TUSC3: variants seen among roughly 807,000 people sequenced by gnomAD.
TUSC3 encodes the protein dolichyl-diphosphooligosaccharide--protein glycosyltransferase subunit TUSC3.
In TUSC3, 45 loss-of-function variants were observed where a neutral mutation model predicts 44.8. The ratio of observed to expected loss-of-function variants is 1.00; its 90% confidence interval spans 0.79 to 1.29. The LOEUF (loss-of-function observed/expected upper bound fraction) is 1.29, where lower values mean the gene tolerates loss of function less well. Ranked by LOEUF, TUSC3 falls within the 50% of genes most tolerant of loss-of-function variation. The pLI, the probability that TUSC3 is intolerant of heterozygous loss-of-function variation, is 0.00. For missense variants in TUSC3, 519 were observed against 437.9 expected (o/e 1.19, Z -1.65); for synonymous variants, 212 against 152.9 (o/e 1.39, Z -2.85).
intron 1 of TUSC3, among the ~76,000 whole-genome samples, chr8:15,543,841 C>G (rs1324124033): frequency 2.0e-5 from 3 of 149,736 alleles, no homozygotes; most frequent in African/African-American, 7.4e-5. Context: ...TCCAAATTCT[C>G]TTACGTTGTT....
chr8:15,477,475 C>T (rs1282940458), intron 1 of TUSC3, among the ~76,000 whole-genome samples: 1 of 152,140 alleles, frequency 6.6e-6, no homozygotes, highest in Non-Finnish European at 1.5e-5. Context: ...GTAATCCCAG[C>T]ACTTTGGGAG....
chr8:15,590,173 A>G (rs539197692), intron 1 of TUSC3, among the ~76,000 whole-genome samples: 3 of 152,318 alleles, frequency 2.0e-5, no homozygotes, highest in Non-Finnish European at 4.4e-5. Context: ...ATTCCAATGT[A>G]CAGCCTGCTA....
At chr8:15,845,895 A>G in the TUSC3 span, among the ~76,000 whole-genome samples, 2 of 152,196 alleles carry the variant, frequency 1.3e-5, no homozygotes, top group South Asian at 4.1e-4. Flanking sequence ...ACTGGAAAGA[A>G]AAAGATGTTT....
intron 2 of TUSC3, among the ~76,000 whole-genome samples, chr8:15,632,312 G>A (rs1376295399): frequency 2.0e-5 from 3 of 151,998 alleles, no homozygotes; most frequent in African/African-American, 7.3e-5. Flanking sequence ...AGTGTCCCAT[G>A]CTCTGGATTT....
the TUSC3 span, among the ~76,000 whole-genome samples, chr8:15,851,747 T>C: frequency 6.6e-6 from 1 of 152,228 alleles, no homozygotes; most frequent in Admixed American, 6.5e-5. Flanking sequence ...CATTCCAGTA[T>C]AAGCTTTCTG....
At chr8:15,591,948 G>A (rs1803858920) in intron 1 of TUSC3, among the ~76,000 whole-genome samples, 1 of 152,172 alleles carries the variant, frequency 6.6e-6, no homozygotes, top group Admixed American at 6.5e-5. Context: ...CTAATGCAGA[G>A]GAAGAATGGG....
chr8:15,805,405 G>T, the TUSC3 span, among the ~76,000 whole-genome samples: 1 of 152,092 alleles, frequency 6.6e-6, no homozygotes, highest in South Asian at 2.1e-4. Flanking sequence ...TCTTTGTCTT[G>T]CTGTAGATCT....
rs183074049 is a variant in TUSC3 at position 15,645,994 on chromosome 8, A to G, written c.309-4703A>G. ...TGAAACTATATTATTCATCATCAGT[A>G]TCATTATACCTTTATTAAATGCCAC... On this transcript the variant is annotated intron_variant, in intron 2 of 10. Transcript: ENST00000503731. Among the ~76,000 whole-genome samples the G allele has an allele frequency of 2.6e-5, 4 of 152,276 alleles. No homozygotes were observed. The East Asian group carries it at 7.7e-4, about 29-fold the overall frequency.
intron 1 of TUSC3, among the ~76,000 whole-genome samples, chr8:15,482,053 A>G (rs1441606042): frequency 6.6e-6 from 1 of 152,180 alleles, no homozygotes; most frequent in Non-Finnish European, 1.5e-5. Flanking sequence ...ATTTGTTGTC[A>G]TCTCAACAAT....
chr8:15,512,856 G>A (rs1044005617), intron 2 of TUSC3, among the ~76,000 whole-genome samples: 3 of 104,250 alleles, frequency 2.9e-5, no homozygotes, highest in South Asian at 4.0e-4. Context: ...GTGTGTGTGT[G>A]TATATATATG....
At chr8:15,837,871 C>T in the TUSC3 span, among the ~76,000 whole-genome samples, 4 of 152,284 alleles carry the variant, frequency 2.6e-5, no homozygotes, top group African/African-American at 9.6e-5. Context: ...GTTATTTTGA[C>T]TTCTTTTAAA....
chr8:15,585,455 A>G lies in TUSC3; in HGVS notation c.139-37625A>G, dbSNP rs553182396. 1.7e-4 allele frequency among the ~76,000 whole-genome samples: 26 copies of G among 152,348 alleles called. No individual in the cohort carries two copies. In the East Asian group the frequency reaches 3.7e-3, roughly 21 times the overall value. On this transcript the variant is annotated intron_variant, in intron 1 of 10. Transcript: ENST00000503731. ...GGAGCGAAAGTTTAATAAGCGAAAGATAAAAAGCTGTCTGCTGTGAAGAGG... is the reference window on the plus strand; with the variant it reads ...GGAGCGAAAGTTTAATAAGCGAAAGGTAAAAAGCTGTCTGCTGTGAAGAGG...
At chr8:15,590,752 G>T (rs1803796773) in intron 1 of TUSC3, among the ~76,000 whole-genome samples, 1 of 151,110 alleles carries the variant, frequency 6.6e-6, no homozygotes. Context: ...GCTCATTGTT[G>T]CCTCTACCTC....
chr8:15,763,482 T>C (rs1416315549), intron 10 of TUSC3, among the ~76,000 whole-genome samples: 1 of 152,012 alleles, frequency 6.6e-6, no homozygotes, highest in Non-Finnish European at 1.5e-5. Flanking sequence ...GGTTTGTCTC[T>C]GGTTGCCTTG....
At chr8:15,689,259 C>G (rs1381672726) in intron 6 of TUSC3, 4 of 352,864 alleles carry the variant, frequency 1.1e-5, no homozygotes, top group African/African-American at 2.2e-5. Context: ...GGGAATCGAT[C>G]CACTTGTGAA....
At chr8:15,548,108 C>A (rs6989532) in intron 1 of TUSC3, among the ~76,000 whole-genome samples, 24,606 of 151,534 alleles carry the variant, frequency 0.16, 2,732 homozygotes, top group Non-Finnish European at 0.22. Context: ...CTTCCAGCAC[C>A]CAGACCTGTG....
At chr8:15,446,811 G>T (rs1004259061) in intron 1 of TUSC3, among the ~76,000 whole-genome samples, 1 of 151,172 alleles carries the variant, frequency 6.6e-6, no homozygotes, top group Non-Finnish European at 1.5e-5. Context: ...ATTAAATAAA[G>T]ACATGGCCTC....
intron 6 of TUSC3, among the ~76,000 whole-genome samples, chr8:15,684,746 C>T (rs1032739452): frequency 6.6e-6 from 1 of 152,156 alleles, no homozygotes; most frequent in Non-Finnish European, 1.5e-5. Context: ...AGCTTGGTAT[C>T]CCTGGGTGGT....
chr8:15,658,683 A>AAT (rs1491334242), intron 3 of TUSC3, among the ~76,000 whole-genome samples: 2 of 151,484 alleles, frequency 1.3e-5, no homozygotes, highest in African/African-American at 4.8e-5. Flanking sequence ...ATACACATAC[A>AAT]ATATATATAC....
Sources: gnomAD v4.1 joint callset for allele counts (sites outside exome capture counted in the v4.1 genomes callset) on GRCh38, gnomAD v4.1.1 for gene constraint, MANE v1.5 for transcripts, NCBI Gene and HGNC (gene_info 2026-07-23, HGNC 2026-07-21) for gene names.